PRICKLE1: variants seen among roughly 807,000 people sequenced by gnomAD.
PRICKLE1 encodes the protein prickle planar cell polarity protein 1, also known as prickle-like protein 1.
In PRICKLE1, 14 loss-of-function variants were observed where a neutral mutation model predicts 70.2. The observed-to-expected ratio is 0.20, with a 90% CI of 0.13 to 0.31. The LOEUF is 0.31. Among genes scored for constraint, PRICKLE1 ranks in the 10% least tolerant of loss-of-function variants. The pLI is 1.00. For synonymous variants in PRICKLE1, 357 were observed against 379.9 expected (o/e 0.94, Z 0.70); for missense variants, 821 against 1,026.2 (o/e 0.80, Z 2.73).
At chr12:42,542,586 G>C (rs1467635629) in intron 1 of PRICKLE1, among the ~76,000 whole-genome samples, 3 of 152,180 alleles carry the variant, frequency 2.0e-5, no homozygotes, top group Non-Finnish European at 4.4e-5. Context: ...AGGAGGCGGA[G>C]GTTGCAGTGA....
chr12:42,469,558 C>G lies in PRICKLE1; in HGVS notation c.276G>C (p.Glu92Asp). 1 of 1,614,158 alleles carries G rather than the reference C, an allele frequency of 6.2e-7. No homozygotes were observed. The highest frequency in any genetic ancestry group is 8.5e-7 in the Non-Finnish European group (1 of 1,180,042). Reference protein sequence around the residue: ...EVRYCQSLSEEEKKELQVFSA... With the variant: ...EVRYCQSLSEDEKKELQVFSA... ...TGAACACCTGCAACTCTTTTTTCTC[C>G]TCTTCACTCAAAGACTGGCAATACC... Residue 92 changes from glutamate (E) to aspartate (D), a missense_variant, in exon 4 of 8, where the codon GAG becomes GAC. By Grantham distance (45) the Glu-to-Asp change is conservative (BLOSUM62 2). Coordinates refer to ENST00000345127, the MANE Select transcript of PRICKLE1 (RefSeq NM_153026.3).
intron 2 of PRICKLE1, 53 bp from the exon 3 acceptor site, chr12:42,470,412 C>A: frequency 8.4e-7 from 1 of 1,190,154 alleles, no homozygotes. Context: ...AGCATCTCAG[C>A]TCACTTAATC....
intron 1 of PRICKLE1, among the ~76,000 whole-genome samples, chr12:42,503,333 T>C (rs933368334): frequency 6.6e-6 from 1 of 152,102 alleles, no homozygotes; most frequent in Non-Finnish European, 1.5e-5. Context: ...TCTAGTAAAG[T>C]CCTGGGCTTA....
chr12:42,466,539 C>A, intron 5 of PRICKLE1, 159 bp from the exon 6 acceptor site: 1 of 673,514 alleles, frequency 1.5e-6, no homozygotes, highest in Admixed American at 2.3e-5. Context: ...TTAAATCTAA[C>A]ACTTGATTTA....
intron 1 of PRICKLE1, among the ~76,000 whole-genome samples, chr12:42,484,979 T>C (rs1335742680): frequency 6.6e-6 from 1 of 151,798 alleles, no homozygotes; most frequent in Admixed American, 6.6e-5. Context: ...TTGTAAAATA[T>C]CAGTAAATAA....
At chr12:42,542,861 G>A (rs926853074) in intron 1 of PRICKLE1, among the ~76,000 whole-genome samples, 8 of 152,022 alleles carry the variant, frequency 5.3e-5, no homozygotes, top group African/African-American at 1.5e-4. Flanking sequence ...GAATGTTTGC[G>A]TCCTCTAACC....
At chr12:42,565,543 C>T (rs1404998228) in intron 1 of PRICKLE1, among the ~76,000 whole-genome samples, 1 of 152,094 alleles carries the variant, frequency 6.6e-6, no homozygotes, top group Non-Finnish European at 1.5e-5. Flanking sequence ...CCTTAAAAGG[C>T]ACAGGGACAG....
intron 1 of PRICKLE1, among the ~76,000 whole-genome samples, chr12:42,528,434 G>C (rs776934180): frequency 6.6e-6 from 1 of 152,064 alleles, no homozygotes; most frequent in African/African-American, 2.4e-5. Flanking sequence ...AAATAAAATC[G>C]TGTTTAAGGA....
rs1199276265 is a variant in PRICKLE1, at chr12:42,459,410, A to C, written c.*399T>G. On this transcript the variant is annotated 3_prime_UTR_variant, in exon 8 of 8. Coordinates refer to ENST00000345127, the MANE Select transcript of PRICKLE1 (RefSeq NM_153026.3). ...CCTCACACCAAGACGGACTATCAAGACCTGAGCCGACCTGACTTACATAAA... is the reference window on the plus strand; with the variant it reads ...CCTCACACCAAGACGGACTATCAAGCCCTGAGCCGACCTGACTTACATAAA... 1.4e-6 allele frequency: 1 copy of C among 699,444 alleles called. No homozygotes were observed. Among genetic ancestry groups the C allele is most frequent in the Admixed American group, 2.0e-5 (1 of 49,010 alleles). The allele number at this position is 699,444 out of a possible 1,614,324, so 43.3% of individuals were successfully genotyped here.
At position 42,460,454 on chromosome 12, in the gene PRICKLE1, T is replaced by C; in HGVS notation, c.1851A>G (p.Pro617=). The change falls in exon 8 of 8, where the codon CCA becomes CCG. Residue 617 remains proline (P), a synonymous_variant. Coordinates refer to ENST00000345127, the MANE Select transcript of PRICKLE1 (RefSeq NM_153026.3). ...ATTGAGACTTGGACCTTCTGAGCAC[T>C]GGCAGATGTACTGGCTTCTCTTCAG... ...ILPEEKPVHL[P]VLRRSKSQSR... 1 of 1,614,054 alleles carries C rather than the reference T, an allele frequency of 6.2e-7. No individual in the cohort carries two copies. The highest frequency in any genetic ancestry group is 8.5e-7 in the Non-Finnish European group (1 of 1,179,896).
chr12:42,528,002 C>T (rs1381498861), intron 1 of PRICKLE1, among the ~76,000 whole-genome samples: 6 of 130,060 alleles, frequency 4.6e-5, no homozygotes, highest in African/African-American at 1.7e-4. Context: ...ATCTTTTAGC[C>T]ATAAGGCAAA....
At chr12:42,469,632 T>C (rs749175377) in intron 3 of PRICKLE1, 45 bp from the exon 4 acceptor site, 4 of 1,612,086 alleles carry the variant, frequency 2.5e-6, no homozygotes, top group South Asian at 2.2e-5. Context: ...GTGCACAGTC[T>C]TTCTCACCAG....
At chr12:42,559,906 G>A (rs1442731211) in intron 1 of PRICKLE1, among the ~76,000 whole-genome samples, 4 of 151,730 alleles carry the variant, frequency 2.6e-5, no homozygotes, top group Non-Finnish European at 4.4e-5. Flanking sequence ...AGCCTGTGCT[G>A]AAGGGTTTTT....
chr12:42,576,897 C>G (rs1212140274), intron 1 of PRICKLE1, among the ~76,000 whole-genome samples: 1 of 152,160 alleles, frequency 6.6e-6, no homozygotes, highest in Non-Finnish European at 1.5e-5. Context: ...CATATGCCAA[C>G]ATGTGTTATC....
chr12:42,461,553 T>C lies in PRICKLE1; in HGVS notation c.1640-888A>G, dbSNP rs1350322682. The stretch of plus-strand genomic sequence containing the variant: ...AGCTAAGTAGTCACACCAGAGACCG[T>C]AGGCCTAAAAAGGGCTATCGAGCCC... On this transcript the variant is annotated intron_variant, in intron 7 of 7. Transcript: ENST00000345127. 3.3e-5 allele frequency among the ~76,000 whole-genome samples: 5 copies of C among 152,214 alleles called. No individual in the cohort carries two copies. In the East Asian group the frequency reaches 5.8e-4, roughly 18 times the overall value.
chr12:42,530,680 A>ATTTTTTTTTTT (rs34675637), intron 1 of PRICKLE1, among the ~76,000 whole-genome samples: 5 of 97,100 alleles, frequency 5.1e-5, no homozygotes, highest in East Asian at 2.9e-4. Context: ...TTATCAAATA[A>ATTTTTTTTTTT]TTTTTTTTTT....
intron 1 of PRICKLE1, among the ~76,000 whole-genome samples, chr12:42,533,785 C>T (rs1796349): frequency 0.36 from 55,146 of 151,970 alleles, 10,281 homozygotes; most frequent in African/African-American, 0.43. Flanking sequence ...GAATGTCACA[C>T]GCATGGCACT....
intron 1 of PRICKLE1, among the ~76,000 whole-genome samples, chr12:42,494,890 C>T (rs1197958383): frequency 7.6e-6 from 1 of 131,058 alleles, no homozygotes; most frequent in Non-Finnish European, 1.6e-5. Context: ...TTCAGGTTTA[C>T]TTTTTTTTTT....
At position 42,496,500 on chromosome 12, in the gene PRICKLE1, A is replaced by G. The variant is rs532597948; in HGVS notation, c.-48-23936T>C. On this transcript the variant is annotated intron_variant, in intron 1 of 7. Transcript: ENST00000345127. ...TAACTAGAGAGTCAGCCTGTCTTTC[A>G]AAACTTGGAAGTGAGGCATCAACTT... Among the ~76,000 whole-genome samples, 83 of 152,364 alleles carry G rather than the reference A, an allele frequency of 5.4e-4. 1 individual carries two copies. The highest frequency in any genetic ancestry group is 4.1e-3 in the South Asian group (20 of 4,826).
Sources: allele counts gnomAD v4.1 joint callset (sites outside exome capture counted in the v4.1 genomes callset), GRCh38; gene constraint gnomAD v4.1.1; transcripts MANE v1.5; gene names NCBI Gene and HGNC (gene_info 2026-07-23, HGNC 2026-07-21).